Variants in TRPM3 observed in about 807,000 individuals in gnomAD.
TRPM3 encodes long transient receptor potential channel 3.
TRPM3 carries 77 observed loss-of-function variants against 181.2 expected under a neutral mutation model. That is an observed-to-expected ratio of 0.42 (90% confidence interval 0.35 to 0.51). The LOEUF (loss-of-function observed/expected upper bound fraction) is 0.51, where lower values mean the gene tolerates loss of function less well. Ranked by LOEUF, TRPM3 falls within the 20% of genes least tolerant of loss-of-function variation. The pLI is 0.01. For missense variants in TRPM3, 1,759 were observed against 2,196.7 expected, an observed-to-expected ratio of 0.80 and a Z score of 3.98; for synonymous variants, 745 against 796.4, an observed-to-expected ratio of 0.94 and a Z score of 1.09.
At chr9:71,021,123 C>T (rs1044247062) in intron 1 of TRPM3, among the ~76,000 whole-genome samples, 6 of 152,018 alleles carry the variant, frequency 3.9e-5, no homozygotes, top group African/African-American at 1.4e-4. Context: ...AGAATCCAGA[C>T]CAAAAGACTA....
intron 1 of TRPM3, among the ~76,000 whole-genome samples, chr9:71,350,914 C>A (rs1401145441): frequency 6.6e-6 from 1 of 152,076 alleles, no homozygotes; most frequent in Non-Finnish European, 1.5e-5. Flanking sequence ...TCTATAAATA[C>A]CCTGGCAATT....
intron 1 of TRPM3, among the ~76,000 whole-genome samples, chr9:71,331,840 G>GAAA (rs2090178161): frequency 1.7e-4 from 1 of 5,902 alleles, no homozygotes; most frequent in Non-Finnish European, 7.4e-4. Context: ...AGGAGAGGGA[G>GAAA]GAGGAGGAAG....
intron 1 of TRPM3, among the ~76,000 whole-genome samples, chr9:71,188,661 C>T (rs1301909867): frequency 6.6e-6 from 1 of 151,860 alleles, no homozygotes; most frequent in Non-Finnish European, 1.5e-5. Context: ...TGCCCTAAGG[C>T]AGACCTCTCA....
intron 22 of TRPM3, among the ~76,000 whole-genome samples, chr9:70,588,356 T>C (rs1564450511): frequency 6.6e-6 from 1 of 152,100 alleles, no homozygotes; most frequent in East Asian, 1.9e-4. Context: ...AGGTGTATGA[T>C]TGATGTTAAA....
chr9:71,438,718 G>A (rs1229078784), intron 1 of TRPM3, among the ~76,000 whole-genome samples: 1 of 152,148 alleles, frequency 6.6e-6, no homozygotes, highest in Non-Finnish European at 1.5e-5. Flanking sequence ...ATATTTTTTA[G>A]AGGAAGTGAT....
At chr9:71,340,153 T>C (rs1381036242) in intron 1 of TRPM3, among the ~76,000 whole-genome samples, 2 of 152,134 alleles carry the variant, frequency 1.3e-5, no homozygotes, top group Non-Finnish European at 2.9e-5. Flanking sequence ...TGAACAAATG[T>C]GTAAATGAAA....
At chr9:70,538,358 TG>T in intron 25 of TRPM3, among the ~76,000 whole-genome samples, 1 of 152,316 alleles carries the variant, frequency 6.6e-6, no homozygotes, top group South Asian at 2.1e-4. Flanking sequence ...CTCAAACTCC[TG>T]GGCTCAAGTG....
At chr9:71,157,103 T>G (rs1198163687) in intron 1 of TRPM3, among the ~76,000 whole-genome samples, 1 of 152,152 alleles carries the variant, frequency 6.6e-6, no homozygotes, top group Non-Finnish European at 1.5e-5. Context: ...TGATCCACAT[T>G]GGATACACAC....
chr9:71,367,774 G>A (rs1410357007), intron 1 of TRPM3, among the ~76,000 whole-genome samples: 15 of 152,164 alleles, frequency 9.9e-5, no homozygotes, highest in Admixed American at 9.8e-4. Flanking sequence ...CTAAGTTACT[G>A]GAAGAATTTC....
intron 1 of TRPM3, among the ~76,000 whole-genome samples, chr9:71,268,609 G>A (rs2083552387): frequency 6.6e-6 from 1 of 152,024 alleles, no homozygotes; most frequent in Admixed American, 6.6e-5. Flanking sequence ...TGAATCACCT[G>A]AGGTCAGGAG....
intron 1 of TRPM3, among the ~76,000 whole-genome samples, chr9:71,150,094 TA>T (rs894989995): frequency 2.6e-5 from 4 of 151,682 alleles, no homozygotes; most frequent in East Asian, 1.9e-4. Context: ...CTGAAAAAGT[TA>T]AAAAAAATTA....
intron 1 of TRPM3, among the ~76,000 whole-genome samples, chr9:70,880,670 GCTCT>G (rs1171122246): frequency 3.9e-5 from 6 of 151,966 alleles, no homozygotes; most frequent in Admixed American, 6.6e-5. Flanking sequence ...TAATTTTATG[GCTCT>G]CTTTGTGTTC....
intron 6 of TRPM3, among the ~76,000 whole-genome samples, chr9:70,818,514 C>G (rs2092896249): frequency 6.6e-6 from 1 of 152,188 alleles, no homozygotes; most frequent in Admixed American, 6.5e-5. Context: ...TGTAGGATTT[C>G]TCTGCGCATC....
At chr9:71,326,474 C>A (rs985188325) in intron 1 of TRPM3, among the ~76,000 whole-genome samples, 2 of 152,172 alleles carry the variant, frequency 1.3e-5, no homozygotes, top group African/African-American at 4.8e-5. Flanking sequence ...TTGTATTAAT[C>A]TCTGCATTCA....
chr9:71,362,793 G>A (rs1483858805), intron 1 of TRPM3, among the ~76,000 whole-genome samples: 2 of 152,064 alleles, frequency 1.3e-5, no homozygotes, highest in Non-Finnish European at 2.9e-5. Context: ...TGAGAGATTT[G>A]GGAACACAGA....
intron 1 of TRPM3, among the ~76,000 whole-genome samples, chr9:71,411,654 C>T (rs910951626): frequency 1.9e-4 from 29 of 152,140 alleles, no homozygotes; most frequent in African/African-American, 5.8e-4. Context: ...ATCAATATCA[C>T]GAAAATGGCC....
intron 1 of TRPM3, among the ~76,000 whole-genome samples, chr9:71,388,030 T>C (rs560877327): frequency 6.6e-6 from 1 of 152,332 alleles, no homozygotes; most frequent in South Asian, 2.1e-4. Flanking sequence ...AAGGGTTCTT[T>C]TCCTATCTTC....
intron 7 of TRPM3, chr9:70,776,233 C>T: frequency 2.3e-6 from 1 of 430,734 alleles, no homozygotes; most frequent in Admixed American, 4.4e-5. Flanking sequence ...AATTCAAGGA[C>T]TTTAAAAAAG....
chr9:71,043,314 G>C (rs1002388984), intron 1 of TRPM3, among the ~76,000 whole-genome samples: 1 of 152,158 alleles, frequency 6.6e-6, no homozygotes, highest in Non-Finnish European at 1.5e-5. Flanking sequence ...ATTGGGGGCA[G>C]TTTCTGGGAA....
Sources: allele counts gnomAD v4.1 joint callset (sites outside exome capture counted in the v4.1 genomes callset), GRCh38; gene constraint gnomAD v4.1.1; transcripts MANE v1.5; gene names NCBI Gene and HGNC (gene_info 2026-07-23, HGNC 2026-07-21).